Variants in EHBP1 observed in about 807,000 individuals in gnomAD.
The protein encoded by EHBP1 is EH domain binding protein 1, also known as EH domain-binding protein 1.
A neutral mutation model predicts 144.0 loss-of-function variants in EHBP1; 55 were observed. The ratio of observed to expected loss-of-function variants is 0.38; its 90% CI spans 0.31 to 0.48. The LOEUF is 0.48. Ranked by LOEUF, EHBP1 falls within the 20% of genes least tolerant of loss-of-function variation. EHBP1 has a pLI of 0.98. For synonymous variants in EHBP1, 469 were observed against 472.7 expected, an observed-to-expected ratio of 0.99 and a Z score of 0.10; for missense variants, 1,200 against 1,364.2, an observed-to-expected ratio of 0.88 and a Z score of 1.90.
intron 10 of EHBP1, among the ~76,000 whole-genome samples, chr2:62,905,811 G>A (rs1390631542): frequency 6.6e-6 from 1 of 151,972 alleles, no homozygotes; most frequent in Non-Finnish European, 1.5e-5. Flanking sequence ...GCGACAGGGT[G>A]AGACTCCATC....
At chr2:63,009,716 A>G (rs2060191803) in intron 19 of EHBP1, among the ~76,000 whole-genome samples, 1 of 151,534 alleles carries the variant, frequency 6.6e-6, no homozygotes, top group Non-Finnish European at 1.5e-5. Context: ...CTATGTATAC[A>G]TAGTACAATT....
At position 62,979,318 on chromosome 2, in the gene EHBP1, G is replaced by T. The variant is rs772587610; in HGVS notation, c.2591G>T (p.Arg864Met). 1 of 1,613,700 alleles carries T rather than the reference G, an allele frequency of 6.2e-7. No homozygotes were observed. Among genetic ancestry groups the T allele is most frequent in the Non-Finnish European group, 8.5e-7 (1 of 1,179,790 alleles). ...GEMAAEKLKE[R>M]SKASGEQNSK... ...ATGGCTGCAGAAAAGTTGAAAGAAA[G>T]GTCAAAGGCATCTGGAGGTGAGTTA... The change falls in exon 15 of 23, where the codon AGG (arginine) becomes ATG (methionine). Residue 864 changes from arginine to methionine, a missense_variant. Arg to Met is a moderately conservative substitution (Grantham distance 91). This residue lies in a region of EHBP1 where 543 missense variants were observed against 513.1 expected (regional missense o/e 1.06). Transcript: ENST00000431489.
At position 62,984,604 on chromosome 2, in the gene EHBP1, G is replaced by A. The variant is rs956658541; in HGVS notation, c.2608+5269G>A. 2.6e-5 allele frequency among the ~76,000 whole-genome samples: 4 copies of A among 152,276 alleles called. No individual in the cohort carries two copies. In the East Asian group the frequency reaches 7.7e-4, roughly 29 times the overall value. ...AATACAGTTAGAGCATTTCTTACAG[G>A]TGTTAGGAAATATGTAACATTAACT... On this transcript the variant is annotated intron_variant, in intron 15 of 22. Transcript: ENST00000431489.
intron 10 of EHBP1, among the ~76,000 whole-genome samples, chr2:62,918,538 G>T (rs1449729525): frequency 6.6e-6 from 1 of 152,162 alleles, no homozygotes; most frequent in East Asian, 1.9e-4. Context: ...TCTCTAGTTT[G>T]CTGTGCCCTA....
intron 8 of EHBP1, among the ~76,000 whole-genome samples, chr2:62,862,868 C>T (rs545594419): frequency 6.7e-4 from 102 of 152,160 alleles, no homozygotes; most frequent in Middle Eastern, 3.4e-3. Flanking sequence ...AAATCTTAGA[C>T]AGTTTTATTA....
At chr2:62,914,663 C>T (rs1477166137) in intron 10 of EHBP1, among the ~76,000 whole-genome samples, 1 of 151,930 alleles carries the variant, frequency 6.6e-6, no homozygotes, top group African/African-American at 2.4e-5. Flanking sequence ...ATTGGCTCTA[C>T]TTAGAGAACT....
At chr2:62,682,555 A>T (rs1012329195) in intron 1 of EHBP1, among the ~76,000 whole-genome samples, 8 of 152,250 alleles carry the variant, frequency 5.3e-5, no homozygotes, top group African/African-American at 1.7e-4. Context: ...GAATGAGGAT[A>T]TCATTGGGTT....
chr2:62,723,999 T>A (rs2036488946), intron 2 of EHBP1, among the ~76,000 whole-genome samples: 1 of 152,226 alleles, frequency 6.6e-6, no homozygotes, highest in African/African-American at 2.4e-5. Context: ...CTGCATTTCC[T>A]GAATTTGAAT....
intron 4 of EHBP1, among the ~76,000 whole-genome samples, chr2:62,765,497 G>A (rs942486661): frequency 6.6e-6 from 1 of 152,006 alleles, no homozygotes; most frequent in Non-Finnish European, 1.5e-5. Flanking sequence ...GATCCTGGGG[G>A]CACAGTGCCT....
At chr2:62,917,309 A>G (rs1313006400) in intron 10 of EHBP1, among the ~76,000 whole-genome samples, 8 of 152,208 alleles carry the variant, frequency 5.3e-5, no homozygotes, top group Non-Finnish European at 7.3e-5. Context: ...GAATGAATAA[A>G]TGAATGAATG....
At position 63,045,035 on chromosome 2, in the gene EHBP1, C is replaced by T. The variant is rs770840541; in HGVS notation, c.3278-31C>T. On this transcript the variant is annotated intron_variant, in intron 21 of 22. Transcript: ENST00000431489. The surrounding 1 kb of genome is among the most constrained non-coding windows in gnomAD (Gnocchi z 5.7). ...GGGGCCGGGTGTTCGGAGGCCCTGC[C>T]GGTGGGTAACTAGCCTCCCGTCTTC... The T allele has an allele frequency of 6.6e-7, 1 of 1,505,582 alleles. No homozygotes were observed. The highest frequency in any genetic ancestry group is 2.5e-5 in the East Asian group (1 of 40,248). 93.3% of individuals were successfully genotyped at this position (1,505,582 alleles called of 1,614,324 possible). A position where few individuals can be genotyped will look rare whatever the true frequency, so the allele number is the denominator to read the frequency against.
rs146539556 is a variant in EHBP1 at position 62,723,866 on chromosome 2, G to A, written c.104+16571G>A. Among the ~76,000 whole-genome samples the A allele has an allele frequency of 3.2e-4, 48 of 152,262 alleles. 1 individual carries two copies. In the East Asian group the frequency reaches 6.9e-3, roughly 22 times the overall value. On this transcript the variant is annotated intron_variant, in intron 2 of 22. Transcript: ENST00000431489. ...GAGAGGTCCACTGTTAGTCTGATGG[G>A]CTTCTCTTTGTAGATGACCTGACCT...
chr2:62,835,497 G>T (rs1338321573), intron 7 of EHBP1, among the ~76,000 whole-genome samples: 1 of 152,194 alleles, frequency 6.6e-6, no homozygotes, highest in Non-Finnish European at 1.5e-5. Context: ...AGCCAAGATG[G>T]CCGAATAGGA....
chr2:62,862,348 C>T (rs755725097), intron 8 of EHBP1, among the ~76,000 whole-genome samples: 3 of 152,312 alleles, frequency 2.0e-5, no homozygotes, highest in South Asian at 2.1e-4. Flanking sequence ...GTGGCTCACA[C>T]CTGTAATCCC....
At chr2:62,924,667 C>T (rs1446487988) in intron 10 of EHBP1, among the ~76,000 whole-genome samples, 1 of 152,046 alleles carries the variant, frequency 6.6e-6, no homozygotes, top group African/African-American at 2.4e-5. Context: ...AAATAGAAAA[C>T]CTTGAATAGA....
intron 5 of EHBP1, among the ~76,000 whole-genome samples, chr2:62,782,244 A>T (rs1055052048): frequency 5.3e-5 from 8 of 152,246 alleles, no homozygotes; most frequent in African/African-American, 1.9e-4. Context: ...GACAAGAGTA[A>T]GGTGATATGT....
At chr2:62,942,131 A>G (rs895513213) in intron 10 of EHBP1, among the ~76,000 whole-genome samples, 1 of 152,154 alleles carries the variant, frequency 6.6e-6, no homozygotes, top group African/African-American at 2.4e-5. Context: ...TGCTGTTGCT[A>G]CCAACACCTG....
At chr2:62,956,624 G>T (rs907860053) in intron 14 of EHBP1, among the ~76,000 whole-genome samples, 1 of 149,146 alleles carries the variant, frequency 6.7e-6, no homozygotes, top group Non-Finnish European at 1.5e-5. Context: ...GAGGTGGGAG[G>T]ATCACTTGAG....
At chr2:63,009,654 T>C (rs1267348251) in intron 19 of EHBP1, among the ~76,000 whole-genome samples, 1 of 151,454 alleles carries the variant, frequency 6.6e-6, no homozygotes, top group Non-Finnish European at 1.5e-5. Context: ...GTAAAGTCCA[T>C]AGTAAAGATG....
Sources: allele counts gnomAD v4.1 joint callset (sites outside exome capture counted in the v4.1 genomes callset), GRCh38; gene constraint gnomAD v4.1.1; regional missense constraint gnomAD v4.1.1; non-coding constraint Gnocchi (gnomAD v3.1); transcripts MANE v1.5; gene names NCBI Gene and HGNC (gene_info 2026-07-23, HGNC 2026-07-21).